Variants in RPRD1B observed in about 807,000 individuals in gnomAD.
RPRD1B encodes the protein regulation of nuclear pre-mRNA domain containing 1B, also known as regulation of nuclear pre-mRNA domain-containing protein 1B.
A neutral mutation model predicts 41.5 loss-of-function variants in RPRD1B; 11 were observed. The ratio of observed to expected loss-of-function variants is 0.27; its 90% CI spans 0.17 to 0.44. The LOEUF (loss-of-function observed/expected upper bound fraction) is 0.44. Among genes scored for constraint, RPRD1B ranks in the 20% least tolerant of loss-of-function variants. RPRD1B has a pLI of 1.00. For missense variants in RPRD1B, 248 were observed against 389.9 expected, an observed-to-expected ratio of 0.64 and a Z score of 3.06; for synonymous variants, 158 against 155.6, an observed-to-expected ratio of 1.02 and a Z score of -0.12.
At chr20:38,075,512 T>C (rs576072092) in intron 6 of RPRD1B, among the ~76,000 whole-genome samples, 4 of 152,318 alleles carry the variant, frequency 2.6e-5, no homozygotes, top group South Asian at 2.1e-4. Flanking sequence ...CTGTTTGACC[T>C]AGTGGGTGCA....
At chr20:38,057,715 A>G in intron 4 of RPRD1B, 71 bp downstream of exon 4, 3 of 1,077,938 alleles carry the variant, frequency 2.8e-6, no homozygotes, top group Non-Finnish European at 4.3e-6. Context: ...TATGGCCACA[A>G]GGTGGCGCCA....
intron 6 of RPRD1B, among the ~76,000 whole-genome samples, chr20:38,086,149 G>A (rs2074559130): frequency 6.6e-6 from 1 of 152,072 alleles, no homozygotes; most frequent in Non-Finnish European, 1.5e-5. Context: ...TTGGTCCATG[G>A]CAAGGTTTAC....
intron 6 of RPRD1B, among the ~76,000 whole-genome samples, chr20:38,079,020 A>G (rs1157798431): frequency 6.6e-6 from 1 of 152,184 alleles, no homozygotes; most frequent in Non-Finnish European, 1.5e-5. Context: ...TAAATCAGGA[A>G]GATTAAGTAT....
In RPRD1B at chr20:38,089,818, C is replaced by A; in HGVS notation, c.924C>A (p.Asn308Lys). The change falls in exon 7 of 7, where the codon AAC (asparagine) becomes AAA (lysine). Residue 308 changes from asparagine to lysine, a missense_variant. Around this residue, in one of 5 missense-constraint regions of RPRD1B, gnomAD observed 93 missense variants for 167.2 expected, o/e 0.56. Transcript: ENST00000373433. The part of the protein sequence containing the change: ...QSLPDLSLLP[N>K]VTGGLAPLPS... ...TGCCAGACCTCTCACTGCTGCCCAA[C>A]GTCACAGGGGGCTTAGCCCCCCTGC... The A allele has an allele frequency of 6.2e-7, 1 of 1,614,202 alleles. No individual in the cohort carries two copies. The highest frequency in any genetic ancestry group is 8.5e-7 in the Non-Finnish European group (1 of 1,180,026).
rs190424684 is a variant in RPRD1B at position 38,038,365 on chromosome 20, G to A, written c.152-2070G>A. On this transcript the variant is annotated intron_variant, in intron 1 of 6. Transcript: ENST00000373433. ...ACTCTGTCACCCAGGTGGGAGTGCAGTTGGCGCGATCTCGGCTCACTGCAA... is the reference window on the plus strand; with the variant it reads ...ACTCTGTCACCCAGGTGGGAGTGCAATTGGCGCGATCTCGGCTCACTGCAA... 5.9e-4 allele frequency among the ~76,000 whole-genome samples: 89 copies of A among 149,606 alleles called. No homozygotes were observed. The Middle Eastern group carries it at 0.014, about 23-fold the overall frequency.
intron 6 of RPRD1B, among the ~76,000 whole-genome samples, chr20:38,073,044 C>A (rs1022977646): frequency 6.6e-6 from 1 of 152,208 alleles, no homozygotes; most frequent in Non-Finnish European, 1.5e-5. Context: ...GAGTCCAAGG[C>A]AGACATCTGG....
At chr20:38,063,481 G>T (rs1441133270) in intron 5 of RPRD1B, among the ~76,000 whole-genome samples, 1 of 152,176 alleles carries the variant, frequency 6.6e-6, no homozygotes, top group Non-Finnish European at 1.5e-5. Flanking sequence ...GGATTGGTGG[G>T]CATAAAGCCC....
In RPRD1B at chr20:38,082,150, T is replaced by C. The variant is rs117075254; in HGVS notation, c.832-7576T>C. ...TAGGATTGGTACCAGCTCTTCTTTATATGTCTGGTAGATTTTGGCTCTGAA... is the reference window on the plus strand; with the variant it reads ...TAGGATTGGTACCAGCTCTTCTTTACATGTCTGGTAGATTTTGGCTCTGAA... On this transcript the variant is annotated intron_variant, in intron 6 of 6. Coordinates refer to ENST00000373433, the MANE Select transcript of RPRD1B (RefSeq NM_021215.4). Among the ~76,000 whole-genome samples the C allele has an allele frequency of 3.6e-3, 548 of 152,290 alleles. 5 individuals are homozygous for C. Among genetic ancestry groups the C allele is most frequent in the Non-Finnish European group, 4.7e-3 (322 of 68,010 alleles).
At chr20:38,035,796 G>A (rs1293058788) in intron 1 of RPRD1B, among the ~76,000 whole-genome samples, 1 of 149,816 alleles carries the variant, frequency 6.7e-6, no homozygotes, top group Non-Finnish European at 1.5e-5. Context: ...TGGGGGTCTC[G>A]CTCTGTCACC....
In RPRD1B at chr20:38,090,190, CAT is replaced by C. The variant is rs1347015146; in HGVS notation, c.*316_*317del. 5.8e-6 allele frequency: 6 copies of C among 1,038,310 alleles called. No individual in the cohort carries two copies. Among genetic ancestry groups the C allele is most frequent in the African/African-American group, 1.7e-5 (1 of 59,522 alleles). The allele number at this position is 1,038,310 out of a possible 1,614,324, so 64.3% of individuals were successfully genotyped here. On this transcript the variant is annotated 3_prime_UTR_variant, in exon 7 of 7. Coordinates refer to ENST00000373433, the MANE Select transcript of RPRD1B (RefSeq NM_021215.4). The stretch of plus-strand genomic sequence containing the variant: ...CTTATACCTAAGAAGTTATGAAAAT[CAT>C]GTGTACTTCTGGAAGCTTTCGAAAG...
chr20:38,091,912 G>A lies in RPRD1B; in HGVS notation c.*2037G>A, dbSNP rs1195436462. On this transcript the variant is annotated 3_prime_UTR_variant, in exon 7 of 7. Coordinates refer to ENST00000373433, the MANE Select transcript of RPRD1B (RefSeq NM_021215.4). ...AACTGTAGCAATTATGTAAATGAATGTGTTGGCCTCTTAATACCTGTTACT... is the reference window on the plus strand; with the variant it reads ...AACTGTAGCAATTATGTAAATGAATATGTTGGCCTCTTAATACCTGTTACT... 4.1e-6 allele frequency: 4 copies of A among 985,738 alleles called. No individual in the cohort carries two copies. The South Asian group carries it at 1.4e-4, about 35-fold the overall frequency. The allele number at this position is 985,738 out of a possible 1,614,324, so 61.1% of individuals were successfully genotyped here. A position where few individuals can be genotyped will look rare whatever the true frequency, so the allele number is the denominator to read the frequency against.
chr20:38,039,727 A>G (rs1473342668), intron 1 of RPRD1B, among the ~76,000 whole-genome samples: 1 of 143,142 alleles, frequency 7.0e-6, no homozygotes, highest in Non-Finnish European at 1.5e-5. Context: ...ATTGAAACCT[A>G]ACTCAGTCTT....
At chr20:38,086,287 A>G (rs2074560352) in intron 6 of RPRD1B, among the ~76,000 whole-genome samples, 3 of 152,186 alleles carry the variant, frequency 2.0e-5, no homozygotes, top group Admixed American at 2.0e-4. Flanking sequence ...GTTTAACCTA[A>G]TCAGAGCTTG....
At chr20:38,066,045 A>C in intron 5 of RPRD1B, 36 bp from the exon 6 acceptor site, 1 of 1,603,584 alleles carries the variant, frequency 6.2e-7, no homozygotes, top group Non-Finnish European at 8.5e-7. Context: ...TGTGATTTGT[A>C]TATTTTCTCT....
rs1258219782 is a variant in RPRD1B, at chr20:38,057,580, A to G, written c.464A>G (p.Glu155Gly). 3 of 1,614,182 alleles carry G rather than the reference A, an allele frequency of 1.9e-6. No homozygotes were observed. Among genetic ancestry groups the G allele is most frequent in the Admixed American group, 1.7e-5 (1 of 60,032 alleles). Residue 155 changes from glutamate (E) to glycine (G), a missense_variant, in exon 4 of 7, where the codon GAG (glutamate) becomes GGG (glycine). Transcript: ENST00000373433. ...AAACGAACTTTTCAGCAAATTCAGG[A>G]GGAGGAGGATGACGACTACCCTGGC... ...SLKRTFQQIQ[E>G]EEDDDYPGSY...
At chr20:38,089,409 T>C (rs1434737000) in intron 6 of RPRD1B, among the ~76,000 whole-genome samples, 2 of 152,174 alleles carry the variant, frequency 1.3e-5, no homozygotes, top group Non-Finnish European at 2.9e-5. Context: ...TTATAAAGCA[T>C]TTTGAAACTT....
Position 38,091,324 on chromosome 20 carries a change from G to A in RPRD1B, c.*1449G>A. On this transcript the variant is annotated 3_prime_UTR_variant, in exon 7 of 7. Coordinates refer to ENST00000373433, the MANE Select transcript of RPRD1B (RefSeq NM_021215.4). ...TGTAATTTTACATGTTAAACACATT[G>A]AAACATAACCTATGTTTATAAAGCA... The A allele has an allele frequency of 1.0e-6, 1 of 958,708 alleles. No homozygotes were observed. The highest frequency in any genetic ancestry group is 1.2e-6 in the Non-Finnish European group (1 of 806,962). 59.4% of individuals were successfully genotyped at this position (958,708 alleles called of 1,614,324 possible).
chr20:38,038,417 C>T (rs1313102696), intron 1 of RPRD1B, among the ~76,000 whole-genome samples: 3 of 149,560 alleles, frequency 2.0e-5, no homozygotes, highest in Non-Finnish European at 3.0e-5. Flanking sequence ...TCAAGTGATT[C>T]GCCTGCCTCA....
chr20:38,051,115 G>A (rs1422520218), intron 3 of RPRD1B, among the ~76,000 whole-genome samples: 5 of 152,124 alleles, frequency 3.3e-5, no homozygotes, highest in African/African-American at 9.7e-5. Flanking sequence ...GAATGCATGA[G>A]CTTAGGAATT....
Sources: gnomAD v4.1 joint callset for allele counts (sites outside exome capture counted in the v4.1 genomes callset) on GRCh38, gnomAD v4.1.1 for gene constraint, gnomAD v4.1.1 regional missense constraint, MANE v1.5 for transcripts, NCBI Gene and HGNC (gene_info 2026-07-23, HGNC 2026-07-21) for gene names.